The following LRRFIP1 variants were observed in gnomAD, a reference collection of about 807,000 sequenced individuals.
LRRFIP1 encodes the protein leucine-rich repeat flightless-interacting protein 1.
In LRRFIP1, 62 loss-of-function variants were observed where a neutral mutation model predicts 104.4. That is an observed-to-expected ratio of 0.59 (90% confidence interval 0.48 to 0.73). LRRFIP1 has a LOEUF of 0.73. Ranked by LOEUF, LRRFIP1 falls within the 30% of genes least tolerant of loss-of-function variation. The pLI is 0.00. For missense variants in LRRFIP1, 796 were observed against 824.5 expected (o/e 0.97, Z 0.42); for synonymous variants, 300 against 299.0 (o/e 1.00, Z -0.03).
At chr2:237,663,081 G>C (rs1305785852) in intron 1 of LRRFIP1, among the ~76,000 whole-genome samples, 1 of 152,184 alleles carries the variant, frequency 6.6e-6, no homozygotes, top group African/African-American at 2.4e-5. Context: ...TGACACTTCA[G>C]TAAAGCTGTT....
At chr2:237,749,086 C>A in intron 12 of LRRFIP1, 113 bp from the exon 13 acceptor site, 1 of 1,143,614 alleles carries the variant, frequency 8.7e-7, no homozygotes, top group South Asian at 1.5e-5. Flanking sequence ...AGTCTCCTCC[C>A]ACCAGGGCCG....
chr2:237,736,006 A>G (rs1385691575), intron 10 of LRRFIP1, among the ~76,000 whole-genome samples: 1 of 152,186 alleles, frequency 6.6e-6, no homozygotes, highest in Non-Finnish European at 1.5e-5. Flanking sequence ...CCCCAATCCT[A>G]TAAAAATGTC....
At chr2:237,710,568 T>C (rs926908887) in intron 2 of LRRFIP1, among the ~76,000 whole-genome samples, 4 of 152,196 alleles carry the variant, frequency 2.6e-5, no homozygotes, top group African/African-American at 9.7e-5. Flanking sequence ...ACTACAGGTG[T>C]TAGCCATCAC....
chr2:237,628,068 C>G (rs112673461), intron 1 of LRRFIP1, among the ~76,000 whole-genome samples: 1 of 152,010 alleles, frequency 6.6e-6, no homozygotes, highest in Non-Finnish European at 1.5e-5. Context: ...CGAGGTGGCC[C>G]GGGCTGGCCG....
At chr2:237,631,628 T>C (rs76688736) in intron 1 of LRRFIP1, among the ~76,000 whole-genome samples, 1 of 152,288 alleles carries the variant, frequency 6.6e-6, no homozygotes, top group Non-Finnish European at 1.5e-5. Context: ...CCAACGCAGA[T>C]AGATTTTCCT....
At chr2:237,698,802 GGAGAGAC>G (rs1369175530) in intron 1 of LRRFIP1, among the ~76,000 whole-genome samples, 1 of 151,796 alleles carries the variant, frequency 6.6e-6, no homozygotes, top group Non-Finnish European at 1.5e-5. Context: ...ACAGTGTGAT[GGAGAGAC>G]GAGAGATCCA....
intron 7 of LRRFIP1, 76 bp from the exon 8 acceptor site, chr2:237,727,800 T>C (rs917091170): frequency 1.9e-6 from 2 of 1,068,114 alleles, no homozygotes; most frequent in African/African-American, 3.1e-5. Context: ...ACCTGGCTGG[T>C]TGGTCCCTGC....
intron 1 of LRRFIP1, among the ~76,000 whole-genome samples, chr2:237,651,152 CG>C (rs754684195): frequency 6.6e-5 from 10 of 152,120 alleles, no homozygotes; most frequent in Non-Finnish European, 1.0e-4. Context: ...GAGGCTAGTA[CG>C]AAGAACACCT....
intron 1 of LRRFIP1, among the ~76,000 whole-genome samples, chr2:237,697,253 C>A (rs571877774): frequency 2.0e-5 from 3 of 152,144 alleles, no homozygotes; most frequent in Non-Finnish European, 4.4e-5. Context: ...AAACTCCTGA[C>A]CTCAAGTGAT....
At chr2:237,676,422 G>A (rs551518933) in intron 1 of LRRFIP1, among the ~76,000 whole-genome samples, 4 of 152,310 alleles carry the variant, frequency 2.6e-5, no homozygotes, top group Admixed American at 6.5e-5. Context: ...GAAAATTCAC[G>A]TGGGGACATG....
At chr2:237,776,684 A>T (rs956579971) in intron 23 of LRRFIP1, among the ~76,000 whole-genome samples, 3 of 151,402 alleles carry the variant, frequency 2.0e-5, no homozygotes. Context: ...GCTGCTGTTG[A>T]CCTTGTCGGG....
intron 11 of LRRFIP1, among the ~76,000 whole-genome samples, chr2:237,745,142 G>C (rs561170163): frequency 2.1e-4 from 32 of 152,356 alleles, no homozygotes; most frequent in African/African-American, 6.7e-4. Context: ...GGTGGACTCT[G>C]CTGCCTGCGG....
intron 13 of LRRFIP1, among the ~76,000 whole-genome samples, chr2:237,749,693 A>G (rs2058342780): frequency 6.6e-6 from 1 of 152,180 alleles, no homozygotes; most frequent in Non-Finnish European, 1.5e-5. Flanking sequence ...AGACGGCTTT[A>G]CCTACTTTCA....
chr2:237,736,294 T>C (rs1442214942), intron 10 of LRRFIP1, among the ~76,000 whole-genome samples: 1 of 152,236 alleles, frequency 6.6e-6, no homozygotes, highest in East Asian at 1.9e-4. Flanking sequence ...AACTTTTATA[T>C]TACATAAGTT....
chr2:237,716,851 A>G (rs1007262957), intron 3 of LRRFIP1, among the ~76,000 whole-genome samples: 1 of 152,176 alleles, frequency 6.6e-6, no homozygotes, highest in East Asian at 1.9e-4. Flanking sequence ...GCCGTTCTGA[A>G]TCTGCTTTTC....
At position 237,633,033 on chromosome 2, in the gene LRRFIP1, G is replaced by A. The variant is rs1163839014; in HGVS notation, c.96+5293G>A. On this transcript the variant is annotated intron_variant, in intron 1 of 23. Coordinates refer to ENST00000308482, the MANE Select transcript of LRRFIP1 (RefSeq NM_001137550.2). The stretch of plus-strand genomic sequence containing the variant: ...TGCTGGACACTGGTTTGCCATTGGG[G>A]CTGGGCCCTGCCCCTTTGTTCCACA... Among the ~76,000 whole-genome samples the A allele has an allele frequency of 2.0e-5, 3 of 152,238 alleles. No individual in the cohort carries two copies. The South Asian group carries it at 6.2e-4, about 32-fold the overall frequency.
In LRRFIP1 at chr2:237,649,006, G is replaced by A. The variant is rs755176245; in HGVS notation, c.96+21266G>A. On this transcript the variant is annotated intron_variant, in intron 1 of 23. Transcript: ENST00000308482. This position sits in a 1 kb window ranked among gnomAD's most constrained non-coding sequence, Gnocchi z 4.1. ...TGAAGGAGTTCCAGAAACAGGCATG[G>A]CTGGTGTGAGAGGAGGCGTCCTTGT... 4.6e-5 allele frequency among the ~76,000 whole-genome samples: 7 copies of A among 151,942 alleles called. No individual in the cohort carries two copies. The highest frequency in any genetic ancestry group is 1.3e-4 in the Admixed American group (2 of 15,270).
intron 12 of LRRFIP1, among the ~76,000 whole-genome samples, chr2:237,748,706 T>G (rs1277961895): frequency 6.6e-6 from 1 of 152,206 alleles, no homozygotes; most frequent in African/African-American, 2.4e-5. Context: ...CAGTTTACTA[T>G]AAGCCCATGA....
chr2:237,680,687 A>G (rs749880030), intron 1 of LRRFIP1, among the ~76,000 whole-genome samples: 3 of 152,228 alleles, frequency 2.0e-5, no homozygotes, highest in Non-Finnish European at 4.4e-5. Flanking sequence ...TGAAAGCTTA[A>G]CAAATAGACT....
Sources: allele counts gnomAD v4.1 joint callset (sites outside exome capture counted in the v4.1 genomes callset), GRCh38; gene constraint gnomAD v4.1.1; non-coding constraint Gnocchi (gnomAD v3.1); transcripts MANE v1.5; gene names NCBI Gene and HGNC (gene_info 2026-07-23, HGNC 2026-07-21).